Variants in GPC6 observed in about 807,000 individuals in gnomAD.
The protein encoded by GPC6 is glypican 6.
GPC6 carries 14 observed loss-of-function variants against 55.2 expected under a neutral mutation model. The observed-to-expected ratio is 0.25, with a 90% CI of 0.17 to 0.40. The LOEUF is 0.40. GPC6 is among the 10% of genes least tolerant of loss of function. The pLI is 1.00. For missense variants in GPC6, 641 were observed against 708.5 expected (o/e 0.90, Z 1.08); for synonymous variants, 278 against 259.6 (o/e 1.07, Z -0.68).
chr13:93,518,723 T>C (rs557837991), intron 1 of GPC6, among the ~76,000 whole-genome samples: 1 of 152,060 alleles, frequency 6.6e-6, no homozygotes, highest in East Asian at 1.9e-4. Context: ...GTAAATGCAA[T>C]AGGGCCTTTC....
chr13:93,354,348 G>GTTTTTTTTT (rs1880751061), intron 1 of GPC6, among the ~76,000 whole-genome samples: 1 of 59,094 alleles, frequency 1.7e-5, no homozygotes, highest in Non-Finnish European at 2.7e-5. Context: ...TCCGTTGGTA[G>GTTTTTTTTT]ATTTTTTTTT....
rs183641533 is a variant in GPC6 at position 94,043,623 on chromosome 13, A to T, written c.877+15729A>T. On this transcript the variant is annotated intron_variant, in intron 4 of 8. Coordinates refer to ENST00000377047, the MANE Select transcript of GPC6 (RefSeq NM_005708.5). ...GAGTTCATACTGATGCCAGCTGAACACCACAAAGTTCATTCTAGCCTTCTC... is the reference window on the plus strand; with the variant it reads ...GAGTTCATACTGATGCCAGCTGAACTCCACAAAGTTCATTCTAGCCTTCTC... Among the ~76,000 whole-genome samples the T allele has an allele frequency of 2.0e-3, 305 of 151,970 alleles. 1 individual carries two copies. Among genetic ancestry groups the T allele is most frequent in the Non-Finnish European group, 1.3e-3 (87 of 67,866 alleles).
intron 1 of GPC6, among the ~76,000 whole-genome samples, chr13:93,518,436 C>G (rs1881289391): frequency 6.6e-6 from 1 of 151,954 alleles, no homozygotes; most frequent in South Asian, 2.1e-4. Context: ...TGGAGGCAAA[C>G]CCTACTACCG....
chr13:94,184,740 C>CA (rs1198132947), intron 4 of GPC6, among the ~76,000 whole-genome samples: 2 of 151,820 alleles, frequency 1.3e-5, no homozygotes, highest in African/African-American at 2.4e-5. Flanking sequence ...GGAGTTTTCC[C>CA]AAAAAAATTT....
At chr13:93,388,685 C>T (rs1875499366) in intron 1 of GPC6, among the ~76,000 whole-genome samples, 1 of 152,164 alleles carries the variant, frequency 6.6e-6, no homozygotes, top group African/African-American at 2.4e-5. Context: ...TTCCACCTTC[C>T]CCGTTACTTT....
At chr13:94,321,606 T>C (rs1876829811) in intron 6 of GPC6, among the ~76,000 whole-genome samples, 1 of 152,244 alleles carries the variant, frequency 6.6e-6, no homozygotes, top group Non-Finnish European at 1.5e-5. Context: ...CATACCATTT[T>C]AGAGCAGAGC....
At chr13:93,343,328 C>G (rs752221306) in intron 1 of GPC6, among the ~76,000 whole-genome samples, 53 of 152,146 alleles carry the variant, frequency 3.5e-4, no homozygotes, top group Non-Finnish European at 6.6e-4. Flanking sequence ...GTTCCTTGTG[C>G]TTGCAGAGAG....
intron 2 of GPC6, among the ~76,000 whole-genome samples, chr13:93,805,765 A>G (rs996479450): frequency 4.6e-5 from 7 of 152,192 alleles, no homozygotes; most frequent in Non-Finnish European, 7.3e-5. Flanking sequence ...TGGCTTATCT[A>G]TCAATTAGGT....
chr13:93,938,010 A>G (rs889853604), intron 3 of GPC6, among the ~76,000 whole-genome samples: 2 of 152,258 alleles, frequency 1.3e-5, no homozygotes, highest in African/African-American at 4.8e-5. Flanking sequence ...AAAAGAAATT[A>G]TAATACCCTT....
intron 1 of GPC6, among the ~76,000 whole-genome samples, chr13:93,460,268 A>G (rs1219757295): frequency 6.6e-6 from 1 of 151,972 alleles, no homozygotes; most frequent in Non-Finnish European, 1.5e-5. Context: ...TTTTGACTGG[A>G]TAAATGGTCT....
At chr13:93,444,452 CA>C (rs1877923010) in intron 1 of GPC6, among the ~76,000 whole-genome samples, 1 of 151,952 alleles carries the variant, frequency 6.6e-6, no homozygotes, top group African/African-American at 2.4e-5. Context: ...ACTAAAAATA[CA>C]AAAATTAGCC....
At chr13:93,942,417 T>G (rs1878783124) in intron 3 of GPC6, among the ~76,000 whole-genome samples, 1 of 152,132 alleles carries the variant, frequency 6.6e-6, no homozygotes, top group Non-Finnish European at 1.5e-5. Context: ...ACTCCCAGGC[T>G]TTGGTGATCC....
chr13:94,019,396 G>A (rs925243883), intron 3 of GPC6, among the ~76,000 whole-genome samples: 1 of 152,144 alleles, frequency 6.6e-6, no homozygotes, highest in African/African-American at 2.4e-5. Flanking sequence ...CTATTTCATA[G>A]TTCAGGCGCT....
chr13:93,484,156 AAC>A (rs57029894), intron 1 of GPC6, among the ~76,000 whole-genome samples: 28,703 of 152,060 alleles, frequency 0.19, 2,892 homozygotes, highest in Middle Eastern at 0.26. Flanking sequence ...CTGCCATAGC[AAC>A]AGTTTTTTTG....
intron 1 of GPC6, among the ~76,000 whole-genome samples, chr13:93,534,925 T>C (rs1468362834): frequency 6.6e-6 from 1 of 152,172 alleles, no homozygotes; most frequent in Non-Finnish European, 1.5e-5. Flanking sequence ...TCAAGTGCCC[T>C]AAGAAAGCAT....
At chr13:93,856,938 G>A (rs530376784) in intron 3 of GPC6, among the ~76,000 whole-genome samples, 1 of 151,688 alleles carries the variant, frequency 6.6e-6, no homozygotes, top group East Asian at 2.0e-4. Context: ...AAGAAAAATA[G>A]CAGTAACTAC....
At chr13:93,548,523 G>C (rs1021099813) in intron 2 of GPC6, among the ~76,000 whole-genome samples, 1 of 152,082 alleles carries the variant, frequency 6.6e-6, no homozygotes, top group Admixed American at 6.6e-5. Flanking sequence ...AGTGGTGACT[G>C]TTTTGAAAAT....
At chr13:94,271,361 C>G in intron 4 of GPC6, among the ~76,000 whole-genome samples, 1 of 101,334 alleles carries the variant, frequency 9.9e-6, no homozygotes, top group African/African-American at 4.2e-5. Context: ...TAAATACACA[C>G]ACACACGCGC....
intron 1 of GPC6, among the ~76,000 whole-genome samples, chr13:93,488,105 G>A (rs1233327895): frequency 1.3e-5 from 2 of 152,126 alleles, no homozygotes; most frequent in African/African-American, 2.4e-5. Context: ...ATCGCCTAAT[G>A]CTATCCCTCC....
Sources: gnomAD v4.1 joint callset for allele counts (sites outside exome capture counted in the v4.1 genomes callset) on GRCh38, gnomAD v4.1.1 for gene constraint, MANE v1.5 for transcripts, NCBI Gene and HGNC (gene_info 2026-07-23, HGNC 2026-07-21) for gene names.